Variants in CTXND1 observed in about 807,000 individuals in gnomAD.
The protein encoded by CTXND1 is cortexin domain-containing 1 protein.
chr15:80,241,644 C>G (rs1893568446), intron 1 of CTXND1, among the ~76,000 whole-genome samples: 1 of 152,216 alleles, frequency 6.6e-6, no homozygotes, highest in Non-Finnish European at 1.5e-5. Context: ...GGACAGCAAG[C>G]TCAGCTCTGC....
At chr15:80,237,336 G>GAAAAAAAAAA (rs201997173) in intron 1 of CTXND1, among the ~76,000 whole-genome samples, 46 of 101,186 alleles carry the variant, frequency 4.5e-4, no homozygotes, top group African/African-American at 6.5e-4. Context: ...CAGTGTCTCA[G>GAAAAAAAAAA]AAAAAAAAAA....
chr15:80,215,905 T>C (rs954670989), intron 1 of CTXND1, among the ~76,000 whole-genome samples: 1 of 152,154 alleles, frequency 6.6e-6, no homozygotes, highest in African/African-American at 2.4e-5. Context: ...TGGGAAGAAG[T>C]GGGTGGAGTC....
rs114172731 is a variant in CTXND1, at chr15:80,208,074, G to A, written c.-217-4334C>T. 8.5e-3 allele frequency among the ~76,000 whole-genome samples: 1,293 copies of A among 152,322 alleles called. 31 individuals are homozygous for A. The highest frequency in any genetic ancestry group is 0.026 in the African/African-American group (1,082 of 41,578). ...CTATGAGGCCAGGCTTGAGGATGAGGAAATAGGTGTTTGGTCAAAGTTCTG... is the reference window on the plus strand; with the variant it reads ...CTATGAGGCCAGGCTTGAGGATGAGAAAATAGGTGTTTGGTCAAAGTTCTG... On this transcript the variant is annotated intron_variant, in intron 1 of 2. Coordinates refer to ENST00000560778, the MANE Select transcript of CTXND1 (RefSeq NM_001352888.2).
intron 1 of CTXND1, among the ~76,000 whole-genome samples, chr15:80,214,287 G>A (rs1366260345): frequency 1.3e-5 from 2 of 151,990 alleles, no homozygotes; most frequent in African/African-American, 2.4e-5. Context: ...AACATTTAAA[G>A]ATAACATTTA....
At chr15:80,244,022 C>A (rs1403099876) in intron 1 of CTXND1, among the ~76,000 whole-genome samples, 1 of 152,214 alleles carries the variant, frequency 6.6e-6, no homozygotes, top group African/African-American at 2.4e-5. Flanking sequence ...AGGGCTCAGC[C>A]ATCCTGCCCA....
At chr15:80,233,235 G>A (rs897389117) in intron 1 of CTXND1, among the ~76,000 whole-genome samples, 1 of 152,118 alleles carries the variant, frequency 6.6e-6, no homozygotes, top group African/African-American at 2.4e-5. Context: ...CACTGTGCCT[G>A]GCCAATGCAA....
At chr15:80,225,482 T>C (rs1364439829) in intron 1 of CTXND1, among the ~76,000 whole-genome samples, 1 of 152,220 alleles carries the variant, frequency 6.6e-6, no homozygotes, top group Non-Finnish European at 1.5e-5. Flanking sequence ...TATACAAATA[T>C]ACAGATAGCG....
chr15:80,217,062 A>G (rs1893261940), intron 1 of CTXND1, among the ~76,000 whole-genome samples: 1 of 152,032 alleles, frequency 6.6e-6, no homozygotes, highest in African/African-American at 2.4e-5. Flanking sequence ...TGGCAACTAA[A>G]TCTCTGCTTT....
At chr15:80,227,283 A>T (rs761264960) in intron 1 of CTXND1, among the ~76,000 whole-genome samples, 23 of 152,184 alleles carry the variant, frequency 1.5e-4, no homozygotes, top group Admixed American at 7.9e-4. Flanking sequence ...CACCTACCTC[A>T]TTGAGTAGTG....
intron 1 of CTXND1, among the ~76,000 whole-genome samples, chr15:80,206,340 A>G (rs1893147137): frequency 1.3e-5 from 2 of 152,212 alleles, no homozygotes; most frequent in Admixed American, 6.5e-5. Context: ...CACTCAGAGT[A>G]ATTTTCATTT....
At chr15:80,224,068 C>T (rs548410881) in intron 1 of CTXND1, among the ~76,000 whole-genome samples, 1 of 152,238 alleles carries the variant, frequency 6.6e-6, no homozygotes, top group Admixed American at 6.5e-5. Flanking sequence ...CTTGAGCCGC[C>T]ATGTCAAGAA....
At chr15:80,213,515 G>A (rs1893222121) in intron 1 of CTXND1, among the ~76,000 whole-genome samples, 1 of 152,180 alleles carries the variant, frequency 6.6e-6, no homozygotes. Flanking sequence ...AGAGGCAGTG[G>A]GAAATTTGAC....
chr15:80,228,071 A>G (rs1364209479), intron 1 of CTXND1, among the ~76,000 whole-genome samples: 1 of 152,238 alleles, frequency 6.6e-6, no homozygotes, highest in African/African-American at 2.4e-5. Flanking sequence ...ATCTTCAAGG[A>G]ACCACTTTCT....
chr15:80,233,300 G>A (rs1343882632), intron 1 of CTXND1, among the ~76,000 whole-genome samples: 1 of 152,152 alleles, frequency 6.6e-6, no homozygotes, highest in African/African-American at 2.4e-5. Context: ...ATATCCCAGT[G>A]AATTTCACTG....
chr15:80,249,957 C>G (rs8038869), intron 1 of CTXND1, among the ~76,000 whole-genome samples: 1 of 152,176 alleles, frequency 6.6e-6, no homozygotes, highest in African/African-American at 2.4e-5. Flanking sequence ...TACATCAGAA[C>G]TTATTAGGAG....
At chr15:80,238,819 A>G (rs752923843) in intron 1 of CTXND1, among the ~76,000 whole-genome samples, 20 of 152,206 alleles carry the variant, frequency 1.3e-4, no homozygotes, top group Admixed American at 5.2e-4. Flanking sequence ...ACCATTGCCT[A>G]CAGTATTCAG....
chr15:80,217,419 TA>T (rs1226605634), intron 1 of CTXND1, among the ~76,000 whole-genome samples: 2 of 152,220 alleles, frequency 1.3e-5, no homozygotes, highest in African/African-American at 2.4e-5. Context: ...AAATGGAATC[TA>T]TTTTTTTGTA....
At chr15:80,250,703 T>C (rs1007048528) in intron 1 of CTXND1, among the ~76,000 whole-genome samples, 1 of 152,238 alleles carries the variant, frequency 6.6e-6, no homozygotes, top group Admixed American at 6.5e-5. Flanking sequence ...TCCTCCGTAA[T>C]GCCTCCTCAA....
At chr15:80,233,637 C>A (rs1700562168) in intron 1 of CTXND1, among the ~76,000 whole-genome samples, 1 of 152,138 alleles carries the variant, frequency 6.6e-6, no homozygotes, top group Non-Finnish European at 1.5e-5. Flanking sequence ...GGGGCTACAC[C>A]ACGCCAGGCT....
Sources: gnomAD v4.1 joint callset for allele counts (sites outside exome capture counted in the v4.1 genomes callset) on GRCh38, gnomAD v4.1.1 for gene constraint, MANE v1.5 for transcripts, NCBI Gene and HGNC (gene_info 2026-07-23, HGNC 2026-07-21) for gene names.